Variants in NUB1 observed in about 807,000 individuals in gnomAD.
The protein encoded by NUB1 is NEDD8 ultimate buster 1.
Under a neutral mutation model 77.1 loss-of-function variants are expected in NUB1, and 41 were observed. The ratio of observed to expected loss-of-function variants is 0.53; its 90% CI spans 0.41 to 0.69. The LOEUF (loss-of-function observed/expected upper bound fraction) is 0.69. NUB1 is among the 30% of genes least tolerant of loss of function. The pLI is 0.00. For synonymous variants in NUB1, 257 were observed against 281.0 expected, an observed-to-expected ratio of 0.91 and a Z score of 0.85; for missense variants, 643 against 743.8, an observed-to-expected ratio of 0.86 and a Z score of 1.58.
At chr7:151,365,064 T>C (rs1797604510) in intron 8 of NUB1, among the ~76,000 whole-genome samples, 1 of 151,620 alleles carries the variant, frequency 6.6e-6, no homozygotes, top group Non-Finnish European at 1.5e-5. Flanking sequence ...GTTCAAGTGA[T>C]TTTCCTGCCT....
chr7:151,376,081 C>T, intron 13 of NUB1, 138 bp downstream of exon 13: 1 of 672,926 alleles, frequency 1.5e-6, no homozygotes, highest in Non-Finnish European at 2.7e-6. Context: ...GTAACCTGCC[C>T]ACCTCAGAGG....
rs111661341 is a variant in NUB1, at chr7:151,357,608, G to GT, written c.693+1402dup. 6.3e-3 allele frequency among the ~76,000 whole-genome samples: 895 copies of GT among 143,052 alleles called. 3 individuals carry two copies. The highest frequency in any genetic ancestry group is 0.011 in the Middle Eastern group (3 of 280). The allele number at this position is 143,052 out of a possible 152,430, so 93.8% of individuals were successfully genotyped here. A position where few individuals can be genotyped will look rare whatever the true frequency, so the allele number is the denominator to read the frequency against. On this transcript the variant is annotated intron_variant, in intron 7 of 14. Coordinates refer to ENST00000568733, the MANE Select transcript of NUB1 (RefSeq NM_001243351.2). The stretch of plus-strand genomic sequence containing the variant: ...ACTCTGTTTAAAATTAAAGATTAAA[G>GT]TTTTTTTTTTTTTTTTCTTGAAAAG...
chr7:151,373,030 T>C (rs560200496), intron 11 of NUB1, among the ~76,000 whole-genome samples: 1 of 152,260 alleles, frequency 6.6e-6, no homozygotes, highest in African/African-American at 2.4e-5. Context: ...TGGAGTCTGG[T>C]TCCACAATGA....
At chr7:151,369,100 C>G in intron 11 of NUB1, 2 of 398,270 alleles carry the variant, frequency 5.0e-6, no homozygotes, top group Non-Finnish European at 4.4e-6. Flanking sequence ...CTCCGCCTCC[C>G]GGGTTCAAGC....
chr7:151,350,926 A>G (rs404919), intron 3 of NUB1, among the ~76,000 whole-genome samples: 90,894 of 152,142 alleles, frequency 0.6, 29,059 homozygotes, highest in East Asian at 0.9. Context: ...ATGCAAAGGA[A>G]TGAAGTGCTG....
chr7:151,364,231 C>T (rs1797530266), intron 8 of NUB1, among the ~76,000 whole-genome samples: 1 of 150,682 alleles, frequency 6.6e-6, no homozygotes, highest in Admixed American at 6.6e-5. Context: ...ACCATCCTGG[C>T]TAACAGGGCG....
chr7:151,343,282 C>T (rs1385017167), intron 1 of NUB1, among the ~76,000 whole-genome samples: 1 of 152,232 alleles, frequency 6.6e-6, no homozygotes, highest in Non-Finnish European at 1.5e-5. Context: ...ATTCCTTCCT[C>T]TCTTTTCTCC....
Position 151,345,482 on chromosome 7 carries a change from G to T in NUB1, c.117+16G>T. 7.9e-7 allele frequency: 1 copy of T among 1,266,722 alleles called. No homozygotes were observed. Among genetic ancestry groups the T allele is most frequent in the Non-Finnish European group, 1.1e-6 (1 of 879,166 alleles). The allele number at this position is 1,266,722 out of a possible 1,614,324, so 78.5% of individuals were successfully genotyped here. ...GGCATTAAAGGTATTTTTCTTTTAA[G>T]ACATCAATAATTAGCAGCATTATAA... On this transcript the variant is annotated intron_variant, in intron 2 of 14. Transcript: ENST00000568733.
At position 151,377,291 on chromosome 7, in the gene NUB1, G is replaced by C; in HGVS notation, c.*66G>C. ...CTATCATTATGAAAAGGCTAATGCA[G>C]CTCTTTCTGTTCTTACTTTTTATCT... On this transcript the variant is annotated 3_prime_UTR_variant, in exon 15 of 15. Coordinates refer to ENST00000568733, the MANE Select transcript of NUB1 (RefSeq NM_001243351.2). The C allele has an allele frequency of 8.9e-7, 1 of 1,119,258 alleles. No homozygotes were observed. The highest frequency in any genetic ancestry group is 1.2e-6 in the Non-Finnish European group (1 of 806,656). The allele number at this position is 1,119,258 out of a possible 1,614,324, so 69.3% of individuals were successfully genotyped here. A position where few individuals can be genotyped will look rare whatever the true frequency, so the allele number is the denominator to read the frequency against.
chr7:151,369,962 G>A (rs1029446806), intron 11 of NUB1, among the ~76,000 whole-genome samples: 1 of 152,210 alleles, frequency 6.6e-6, no homozygotes, highest in African/African-American at 2.4e-5. Flanking sequence ...GTGGTGAGCA[G>A]TCACAGGGTT....
chr7:151,377,148 C>T lies in NUB1; in HGVS notation c.1771C>T (p.Leu591=). 6.3e-7 allele frequency: 1 copy of T among 1,589,964 alleles called. No homozygotes were observed. Residue 591 remains leucine (L), a synonymous_variant, in exon 15 of 15, where the codon CTG becomes TTG. Coordinates refer to ENST00000568733, the MANE Select transcript of NUB1 (RefSeq NM_001243351.2). The part of the protein sequence containing the change: ...EHEEDYLDST[L]EDEEIIIAEY... ...TGAGGAAGACTATCTTGACTCAACT[C>T]TGGAAGATGAAGAAATTATTATTGC...
chr7:151,373,363 GA>G (rs1798045826), intron 11 of NUB1, among the ~76,000 whole-genome samples: 1 of 152,176 alleles, frequency 6.6e-6, no homozygotes, highest in African/African-American at 2.4e-5. Flanking sequence ...TTTTTATGGG[GA>G]TACTAGTTTA....
intron 10 of NUB1, 36 bp downstream of exon 10, chr7:151,368,004 C>T (rs752841653): frequency 8.1e-7 from 1 of 1,238,886 alleles, no homozygotes; most frequent in Non-Finnish European, 1.1e-6. Context: ...TTTTCACCTC[C>T]TTTTAAAAAA....
intron 12 of NUB1, 94 bp downstream of exon 12, chr7:151,374,337 C>T: frequency 7.0e-7 from 1 of 1,420,076 alleles, no homozygotes; most frequent in Non-Finnish European, 9.6e-7. Flanking sequence ...CCCGGGCTCA[C>T]TCCTATGGGC....
chr7:151,368,688 T>C (rs540807053), intron 10 of NUB1, 47 bp from the exon 11 acceptor site: 1 of 1,547,998 alleles, frequency 6.5e-7, no homozygotes, highest in Admixed American at 2.0e-5. Flanking sequence ...GTATTAAGCT[T>C]TAAGTATTGC....
intron 13 of NUB1, chr7:151,376,259 A>G (rs1563033026): frequency 2.1e-6 from 1 of 465,272 alleles, no homozygotes; most frequent in Admixed American, 3.5e-5. Context: ...TGACCTGGGA[A>G]ACCCATCCAG....
intron 11 of NUB1, among the ~76,000 whole-genome samples, chr7:151,370,814 A>G (rs1276132175): frequency 6.6e-6 from 1 of 151,530 alleles, no homozygotes; most frequent in African/African-American, 2.4e-5. Flanking sequence ...TGTTCTTGCG[A>G]TAGTTTACTG....
At chr7:151,376,896 G>A in intron 14 of NUB1, 85 bp downstream of exon 14, 1 of 1,465,242 alleles carries the variant, frequency 6.8e-7, no homozygotes, top group African/African-American at 1.4e-5. Flanking sequence ...CGGCAGATGT[G>A]GAGACTGAGG....
chr7:151,356,239 A>C lies in NUB1; in HGVS notation c.693+17A>C. 3 of 1,543,294 alleles carry C rather than the reference A, an allele frequency of 1.9e-6. No individual in the cohort carries two copies. Among genetic ancestry groups the C allele is most frequent in the Non-Finnish European group, 2.7e-6 (3 of 1,116,078 alleles). Reference sequence around the variant, plus strand: ...GAAAGAAAAGTAAGTACTATGAGAAATGTGTGGCCTGTTCTTAGATTTGTT... The same window carrying C: ...GAAAGAAAAGTAAGTACTATGAGAACTGTGTGGCCTGTTCTTAGATTTGTT... On this transcript the variant is annotated intron_variant, in intron 7 of 14. Coordinates refer to ENST00000568733, the MANE Select transcript of NUB1 (RefSeq NM_001243351.2).
Sources: allele counts gnomAD v4.1 joint callset (sites outside exome capture counted in the v4.1 genomes callset), GRCh38; gene constraint gnomAD v4.1.1; transcripts MANE v1.5; gene names NCBI Gene and HGNC (gene_info 2026-07-23, HGNC 2026-07-21).